Variants in TRPV1 observed in about 807,000 individuals in gnomAD.
TRPV1 encodes OTRPC1.
Under a neutral mutation model 82.3 loss-of-function variants are expected in TRPV1, and 82 were observed. The ratio of observed to expected loss-of-function variants is 1.00; its 90% CI spans 0.83 to 1.20. The LOEUF is 1.20. Among genes scored for constraint, TRPV1 ranks in the 50% most tolerant of loss-of-function variants. The probability of loss-of-function intolerance (pLI) is 0.00; values close to 1 mark genes in which losing one functional copy is unlikely to be tolerated. For synonymous variants in TRPV1, 515 were observed against 467.7 expected (o/e 1.10, Z -1.30); for missense variants, 1,067 against 1,096.8 (o/e 0.97, Z 0.38).
intron 2 of TRPV1, among the ~76,000 whole-genome samples, chr17:3,599,203 C>T (rs2075244045): frequency 6.6e-6 from 1 of 151,970 alleles, no homozygotes; most frequent in Non-Finnish European, 1.5e-5. Flanking sequence ...CACACCATTG[C>T]ACTCCAGCCT....
chr17:3,598,252 C>A (rs2075236010), intron 2 of TRPV1, among the ~76,000 whole-genome samples: 1 of 152,198 alleles, frequency 6.6e-6, no homozygotes, highest in Non-Finnish European at 1.5e-5. Context: ...GCCAGGGAGG[C>A]CCTCGTAACC....
Position 3,573,645 on chromosome 17 carries a change from G to C in TRPV1, c.2091C>G (p.Ile697Met), listed in dbSNP as rs200534188. ...VNKIAQESKN[I>M]WKLQRAITIL... ...TCCACCCACCCACCTGCAGCTTCCA[G>C]ATGTTCTTGCTCTCCTGTGCGATCT... The change falls in exon 14 of 17, where the codon ATC (isoleucine) becomes ATG (methionine). Residue 697 changes from isoleucine to methionine, a missense_variant. Transcript: ENST00000572705. The C allele has an allele frequency of 1.9e-6, 3 of 1,609,072 alleles. No individual in the cohort carries two copies. The highest frequency in any genetic ancestry group is 1.7e-5 in the Admixed American group (1 of 59,664).
At position 3,576,848 on chromosome 17, in the gene TRPV1, CAAAAAA is replaced by C. The variant is rs989451980; in HGVS notation, c.1780+272_1780+277del. 4.3e-3 allele frequency among the ~76,000 whole-genome samples: 169 copies of C among 39,080 alleles called. 1 individual carries two copies. The highest frequency in any genetic ancestry group is 0.014 in the African/African-American group (166 of 11,618). The allele number at this position is 39,080 out of a possible 152,430, so 25.6% of individuals were successfully genotyped here. ...TTGGCGACAGAGTGAGACTCCATCTCAAAAAAAAAAAAAAAAAAAAAAGTTGAAAAA... is the reference window on the plus strand; with the variant it reads ...TTGGCGACAGAGTGAGACTCCATCTCAAAAAAAAAAAAAAAAGTTGAAAAA... On this transcript the variant is annotated intron_variant, in intron 13 of 16. Transcript: ENST00000572705.
intron 9 of TRPV1, 118 bp downstream of exon 9, chr17:3,585,650 G>C: frequency 1.6e-6 from 2 of 1,272,740 alleles, no homozygotes; most frequent in Non-Finnish European, 2.1e-6. Flanking sequence ...GCTCCCGCAA[G>C]CTGGGAAGGA....
At chr17:3,584,187 C>A (rs2075054572) in intron 9 of TRPV1, among the ~76,000 whole-genome samples, 1 of 151,978 alleles carries the variant, frequency 6.6e-6, no homozygotes, top group Non-Finnish European at 1.5e-5. Context: ...TCACTTGAAC[C>A]CCGGAGCCAG....
chr17:3,607,100 C>T (rs1463422864), intron 2 of TRPV1, among the ~76,000 whole-genome samples: 4 of 152,204 alleles, frequency 2.6e-5, no homozygotes, highest in Admixed American at 1.3e-4. Flanking sequence ...GTAATCCCAG[C>T]ACTTTGGGAG....
Position 3,577,131 on chromosome 17 carries a change from G to A in TRPV1, c.1775C>T (p.Ser592Phe), listed in dbSNP as rs1236686563. 12 of 1,584,692 alleles carry A rather than the reference G, an allele frequency of 7.6e-6. No homozygotes were observed. The highest frequency in any genetic ancestry group is 1.0e-5 in the Non-Finnish European group (12 of 1,165,924). Residue 592 changes from serine to phenylalanine, a missense_variant, in exon 13 of 17, where the codon TCC becomes TTC. Physicochemically the swap from Ser to Phe is radical, Grantham distance 155. Coordinates refer to ENST00000572705, the MANE Select transcript of TRPV1 (RefSeq NM_080704.4). Reference sequence around the variant, plus strand: ...GCGCTGACCAAGCTCATTACCTGTGGAAAACCCGAACAAGAAGACGATGTA... The same window carrying A: ...GCGCTGACCAAGCTCATTACCTGTGAAAAACCCGAACAAGAAGACGATGTA... ...FVYIVFLFGF[S>F]TAVVTLIEDG...
chr17:3,603,765 A>G (rs1352647317), intron 2 of TRPV1, among the ~76,000 whole-genome samples: 1 of 152,214 alleles, frequency 6.6e-6, no homozygotes, highest in Non-Finnish European at 1.5e-5. Flanking sequence ...ATGTTTGATG[A>G]GTCACGCAAG....
intron 9 of TRPV1, among the ~76,000 whole-genome samples, chr17:3,584,190 G>A (rs529066702): frequency 3.0e-4 from 45 of 152,050 alleles, no homozygotes; most frequent in East Asian, 2.1e-3. Context: ...CTTGAACCCC[G>A]GAGCCAGAGG....
At chr17:3,577,516 T>C in intron 12 of TRPV1, 82 bp downstream of exon 12, 1 of 1,466,220 alleles carries the variant, frequency 6.8e-7, no homozygotes, top group Non-Finnish European at 9.3e-7. Context: ...ACAGAGAGGA[T>C]GGGCGGAGTT....
At chr17:3,580,431 TG>T (rs2074991982) in intron 11 of TRPV1, 25 bp downstream of exon 11, 1 of 1,613,792 alleles carries the variant, frequency 6.2e-7, no homozygotes, top group African/African-American at 1.3e-5. Flanking sequence ...GGGACTGGAC[TG>T]GGAATGAGTC....
chr17:3,592,020 G>A (rs759851664), intron 3 of TRPV1, 47 bp downstream of exon 3: 11 of 1,584,680 alleles, frequency 6.9e-6, no homozygotes, highest in Non-Finnish European at 8.6e-6. Flanking sequence ...CATCTCCATG[G>A]CCAGCTGGGC....
intron 10 of TRPV1, among the ~76,000 whole-genome samples, chr17:3,581,465 A>G (rs1597526777): frequency 6.6e-6 from 1 of 152,144 alleles, no homozygotes; most frequent in Non-Finnish European, 1.5e-5. Flanking sequence ...AATGTAAACC[A>G]TGAGTGTGAA....
chr17:3,571,122 G>A (rs964558831), intron 16 of TRPV1, among the ~76,000 whole-genome samples: 1 of 152,200 alleles, frequency 6.6e-6, no homozygotes, highest in African/African-American at 2.4e-5. Context: ...CCGTCTGCCT[G>A]TTTGTGTCCG....
At chr17:3,588,972 CAGAA>C (rs200185823) in intron 7 of TRPV1, 16 of 1,534,926 alleles carry the variant, frequency 1.0e-5, no homozygotes, top group African/African-American at 5.5e-5. Context: ...AACCTCAAGC[CAGAA>C]AGAAAGAAAG....
In TRPV1 at chr17:3,589,863, T is replaced by C. The variant is rs2075132793; in HGVS notation, c.988A>G (p.Thr330Ala). 2.5e-6 allele frequency: 4 copies of C among 1,613,576 alleles called. No homozygotes were observed. The Admixed American group carries it at 6.7e-5, about 27-fold the overall frequency. The change falls in exon 7 of 17, where the codon ACC becomes GCC. Residue 330 changes from threonine (T) to alanine (A), a missense_variant. Coordinates refer to ENST00000572705, the MANE Select transcript of TRPV1 (RefSeq NM_080704.4). ...AGCGGCGTCATTCCCTTCTTGTTGG[T>C]GAGCTCCTCCAGCTTCAGCGTCGGG... ...LHPTLKLEEL[T>A]NKKGMTPLAL...
At chr17:3,601,025 TC>T (rs1353705063) in intron 2 of TRPV1, among the ~76,000 whole-genome samples, 1 of 150,726 alleles carries the variant, frequency 6.6e-6, no homozygotes, top group African/African-American at 2.4e-5. Context: ...ACAAGCCCCC[TC>T]CCCCCAGCAT....
intron 9 of TRPV1, among the ~76,000 whole-genome samples, chr17:3,584,727 T>C (rs1423786577): frequency 4.0e-5 from 6 of 150,138 alleles, no homozygotes; most frequent in Non-Finnish European, 7.4e-5. Flanking sequence ...ACCCGGGAGG[T>C]GGAGGTTGCA....
At chr17:3,604,933 A>T (rs1001603270) in intron 2 of TRPV1, among the ~76,000 whole-genome samples, 3 of 152,162 alleles carry the variant, frequency 2.0e-5, no homozygotes, top group African/African-American at 7.2e-5. Flanking sequence ...TCAGGCGGGC[A>T]TGCAAGACCC....
Sources: gnomAD v4.1 joint callset for allele counts (sites outside exome capture counted in the v4.1 genomes callset) on GRCh38, gnomAD v4.1.1 for gene constraint, MANE v1.5 for transcripts, NCBI Gene and HGNC (gene_info 2026-07-23, HGNC 2026-07-21) for gene names.